The following PSAP variants were observed in gnomAD, a reference collection of about 807,000 sequenced individuals.
PSAP encodes precursor of saposins.
In PSAP, 25 loss-of-function variants were observed where a neutral mutation model predicts 66.0. The ratio of observed to expected loss-of-function variants is 0.38; its 90% confidence interval spans 0.28 to 0.53. The LOEUF is 0.53. Ranked by LOEUF, PSAP falls within the 20% of genes least tolerant of loss-of-function variation. The pLI, the probability that PSAP is intolerant of heterozygous loss-of-function variation, is 0.83. For missense variants in PSAP, 649 were observed against 668.8 expected (o/e 0.97, Z 0.33); for synonymous variants, 273 against 258.9 (o/e 1.05, Z -0.52).
rs1454141583 is a variant in PSAP, at chr10:71,819,782, T to A, written c.1124A>T (p.Glu375Val). 1.2e-6 allele frequency: 2 copies of A among 1,613,862 alleles called. No individual in the cohort carries two copies. Among genetic ancestry groups the A allele is most frequent in the African/African-American group, 2.7e-5 (2 of 74,882 alleles). Reference protein sequence around the residue: ...GSSILSILLEEVSPELVCSML... With the variant: ...GSSILSILLEVVSPELVCSML... The stretch of plus-strand genomic sequence containing the variant: ...GCTGCACACCAGCTCAGGGCTGACC[T>A]CCTCCAGCAGGATGGACAGGATGGA... Residue 375 changes from glutamate (E) to valine (V), a missense_variant, in exon 10 of 14, where the codon GAG (glutamate) becomes GTG (valine). Physicochemically the swap from Glu to Val is moderately radical, Grantham distance 121. Coordinates refer to ENST00000394936, the MANE Select transcript of PSAP (RefSeq NM_002778.4).
At chr10:71,822,106 G>A in intron 7 of PSAP, 99 bp from the exon 8 acceptor site, 5 of 1,557,002 alleles carry the variant, frequency 3.2e-6, no homozygotes, top group Non-Finnish European at 4.4e-6. Context: ...AGCACCCTGG[G>A]CCCAGGTCAA....
rs761008771 is a variant in PSAP, at chr10:71,851,223, G to C, written c.-2C>G. The C allele has an allele frequency of 3.9e-6, 6 of 1,551,082 alleles. No homozygotes were observed. Among genetic ancestry groups the C allele is most frequent in the East Asian group, 4.9e-5 (2 of 40,922 alleles). On this transcript the variant is annotated 5_prime_UTR_variant, in exon 1 of 14. Coordinates refer to ENST00000394936, the MANE Select transcript of PSAP (RefSeq NM_002778.4). ...GGCCAGGAGGAAGAGGGCGTACATAGCGCCGTCTGACTCCGCAGTCTGCAA... is the reference window on the plus strand; with the variant it reads ...GGCCAGGAGGAAGAGGGCGTACATACCGCCGTCTGACTCCGCAGTCTGCAA...
At chr10:71,817,599 A>AC in intron 13 of PSAP, 123 bp from the exon 14 acceptor site, 1 of 930,114 alleles carries the variant, frequency 1.1e-6, no homozygotes, top group East Asian at 2.4e-5. Flanking sequence ...GCTGGATGGC[A>AC]CCAGATGCTG....
chr10:71,839,471 C>T (rs983604897), intron 1 of PSAP, among the ~76,000 whole-genome samples: 2 of 152,096 alleles, frequency 1.3e-5, no homozygotes, highest in African/African-American at 2.4e-5. Context: ...AACTCCTGAC[C>T]TCGTGATCCA....
At chr10:71,838,463 C>T (rs1377460948) in intron 1 of PSAP, among the ~76,000 whole-genome samples, 1 of 152,212 alleles carries the variant, frequency 6.6e-6, no homozygotes, top group Admixed American at 6.5e-5. Flanking sequence ...GGGAGAATCC[C>T]GTACACCTTC....
At chr10:71,828,793 C>T (rs1165509926) in intron 5 of PSAP, 84 bp downstream of exon 5, 21 of 1,477,566 alleles carry the variant, frequency 1.4e-5, no homozygotes, top group Non-Finnish European at 2.0e-5. Flanking sequence ...AGTTTAAGAA[C>T]CACACGTGCC....
At chr10:71,834,926 A>G (rs1842591867) in intron 1 of PSAP, among the ~76,000 whole-genome samples, 1 of 152,214 alleles carries the variant, frequency 6.6e-6, no homozygotes, top group Admixed American at 6.5e-5. Flanking sequence ...CAACTGTAGA[A>G]TGAAGGGTTT....
At chr10:71,845,497 C>G (rs1050054082) in intron 1 of PSAP, among the ~76,000 whole-genome samples, 5 of 152,132 alleles carry the variant, frequency 3.3e-5, no homozygotes, top group Admixed American at 2.0e-4. Flanking sequence ...AGAAAAAAGG[C>G]AGAAGGAACT....
At chr10:71,842,219 C>T (rs1272506533) in intron 1 of PSAP, among the ~76,000 whole-genome samples, 2 of 152,122 alleles carry the variant, frequency 1.3e-5, no homozygotes, top group Non-Finnish European at 2.9e-5. Flanking sequence ...TGAGTTTCTG[C>T]GGAGGCATGT....
chr10:71,825,734 G>T, intron 7 of PSAP, 103 bp downstream of exon 7: 1 of 1,129,822 alleles, frequency 8.9e-7, no homozygotes, highest in Non-Finnish European at 1.3e-6. Context: ...AGCACTCTAA[G>T]GTAAAAAAGG....
intron 6 of PSAP, 36 bp from the exon 7 acceptor site, chr10:71,825,929 T>A: frequency 6.3e-7 from 1 of 1,577,456 alleles, no homozygotes. Context: ...AACAAATCAC[T>A]GCAACAATGC....
chr10:71,824,669 T>C (rs1015193), intron 7 of PSAP, among the ~76,000 whole-genome samples: 60,610 of 152,150 alleles, frequency 0.4, 12,683 homozygotes, highest in Middle Eastern at 0.51. Context: ...GCCAACATAT[T>C]TTTAGGCAAA....
chr10:71,819,379 G>A, intron 11 of PSAP, 86 bp downstream of exon 11: 1 of 1,569,504 alleles, frequency 6.4e-7, no homozygotes, highest in Non-Finnish European at 8.7e-7. Flanking sequence ...AGAAACAGCT[G>A]GTTTTCCATC....
intron 1 of PSAP, among the ~76,000 whole-genome samples, chr10:71,847,865 T>C (rs77157215): frequency 6.6e-6 from 1 of 152,162 alleles, no homozygotes; most frequent in Non-Finnish European, 1.5e-5. Flanking sequence ...AGGCTATAAA[T>C]TCACATGTTA....
At chr10:71,819,181 G>T in intron 11 of PSAP, 70 bp from the exon 12 acceptor site, 1 of 1,366,296 alleles carries the variant, frequency 7.3e-7, no homozygotes, top group Non-Finnish European at 1.0e-6. Context: ...CAAAAGGCCA[G>T]GCAGGCCCTG....
chr10:71,833,467 G>A (rs1431712601), intron 2 of PSAP, among the ~76,000 whole-genome samples: 1 of 152,164 alleles, frequency 6.6e-6, no homozygotes, highest in Non-Finnish European at 1.5e-5. Flanking sequence ...CCAAAAAAAA[G>A]GGCAAGTATG....
intron 1 of PSAP, among the ~76,000 whole-genome samples, chr10:71,839,237 G>T (rs1328087840): frequency 6.6e-6 from 1 of 152,058 alleles, no homozygotes; most frequent in Non-Finnish European, 1.5e-5. Flanking sequence ...TGGAACAACG[G>T]GCTCTTTTTT....
At chr10:71,825,706 G>T in intron 7 of PSAP, 131 bp downstream of exon 7, 1 of 822,752 alleles carries the variant, frequency 1.2e-6, no homozygotes, top group Non-Finnish European at 2.0e-6. Context: ...AGCCAGAGGG[G>T]TCGATTTAGC....
intron 7 of PSAP, among the ~76,000 whole-genome samples, chr10:71,823,052 G>A (rs1842336449): frequency 6.6e-6 from 1 of 151,804 alleles, no homozygotes; most frequent in Middle Eastern, 3.4e-3. Flanking sequence ...GTATAGGGCT[G>A]CTTCTGCCTC....
Sources: gnomAD v4.1 joint callset for allele counts (sites outside exome capture counted in the v4.1 genomes callset) on GRCh38, gnomAD v4.1.1 for gene constraint, MANE v1.5 for transcripts, NCBI Gene and HGNC (gene_info 2026-07-23, HGNC 2026-07-21) for gene names.